DRC9: variants seen among roughly 807,000 people sequenced by gnomAD.
DRC9 encodes the protein dynein regulatory complex protein 9.
chr3:197,946,327 C>T, the DRC9 span, among the ~76,000 whole-genome samples: 12 of 147,046 alleles, frequency 8.2e-5, no homozygotes, highest in Non-Finnish European at 1.2e-4. Context: ...CCCAGCTACT[C>T]GGGAGGCTGA....
At chr3:197,907,781 C>A in the DRC9 span, among the ~76,000 whole-genome samples, 1 of 151,742 alleles carries the variant, frequency 6.6e-6, no homozygotes, top group Non-Finnish European at 1.5e-5. Context: ...GAAGAGCAAC[C>A]CTTTCCAAGG....
the DRC9 span, among the ~76,000 whole-genome samples, chr3:197,938,152 C>T: frequency 6.6e-6 from 1 of 151,702 alleles, no homozygotes; most frequent in East Asian, 2.0e-4. Flanking sequence ...CCGTTGTCTA[C>T]TAAAAAATAC....
At chr3:197,899,068 T>A in the DRC9 span, among the ~76,000 whole-genome samples, 1 of 152,326 alleles carries the variant, frequency 6.6e-6, no homozygotes, top group African/African-American at 2.4e-5. Context: ...AAACAGATTA[T>A]TTTCTAGGGA....
chr3:197,958,841 A>G, the DRC9 span: 2 of 152,242 alleles, frequency 1.3e-5, no homozygotes, highest in Non-Finnish European at 2.9e-5. Flanking sequence ...CACCGTTGCC[A>G]AAGGAGGAGT....
the DRC9 span, chr3:197,951,042 A>G: frequency 5.6e-6 from 9 of 1,604,748 alleles, no homozygotes; most frequent in Admixed American, 1.3e-4. Flanking sequence ...TGCGAGCTTA[A>G]AATTGGCAAG....
the DRC9 span, chr3:197,950,795 G>A: frequency 7.8e-3 from 5,493 of 700,918 alleles, 250 homozygotes; most frequent in African/African-American, 0.088. Context: ...GTTTCATATG[G>A]ATGTTCTGGC....
chr3:197,903,087 T>C, the DRC9 span, among the ~76,000 whole-genome samples: 1 of 152,168 alleles, frequency 6.6e-6, no homozygotes, highest in African/African-American at 2.4e-5. Flanking sequence ...GAAAGGATAG[T>C]CCTTTCAATG....
the DRC9 span, among the ~76,000 whole-genome samples, chr3:197,907,482 T>G: frequency 2.6e-5 from 4 of 152,196 alleles, no homozygotes; most frequent in Non-Finnish European, 5.9e-5. Context: ...ATTAAACAAA[T>G]GGAGTGTGAT....
chr3:197,897,372 T>C, the DRC9 span, among the ~76,000 whole-genome samples: 1 of 152,164 alleles, frequency 6.6e-6, no homozygotes, highest in East Asian at 1.9e-4. Context: ...AAAAGACAAA[T>C]TCTAGATATT....
the DRC9 span, chr3:197,955,721 TA>T: frequency 6.4e-7 from 1 of 1,567,434 alleles, no homozygotes; most frequent in Non-Finnish European, 8.8e-7. Flanking sequence ...AACATTCACC[TA>T]ATGTTTTGTG....
the DRC9 span, among the ~76,000 whole-genome samples, chr3:197,923,528 G>A: frequency 2.6e-5 from 4 of 152,154 alleles, no homozygotes; most frequent in Non-Finnish European, 4.4e-5. Flanking sequence ...TCAGGAGTTC[G>A]AGATCAGCCT....
the DRC9 span, chr3:197,932,379 A>C: frequency 1.2e-5 from 15 of 1,219,526 alleles, no homozygotes; most frequent in Non-Finnish European, 2.3e-6. Context: ...TCACCCCTGT[A>C]ATCCCAGCAC....
At chr3:197,940,964 A>T in the DRC9 span, among the ~76,000 whole-genome samples, 1 of 151,998 alleles carries the variant, frequency 6.6e-6, no homozygotes, top group African/African-American at 2.4e-5. Flanking sequence ...CAAAAGTTTC[A>T]TTCATTTACT....
At chr3:197,940,573 T>C in the DRC9 span, among the ~76,000 whole-genome samples, 37,807 of 151,960 alleles carry the variant, frequency 0.25, 5,889 homozygotes, top group African/African-American at 0.45. Context: ...AAAATGCTAA[T>C]CTTTCCTCTC....
the DRC9 span, among the ~76,000 whole-genome samples, chr3:197,904,111 T>TA: frequency 0.07 from 1,584 of 22,778 alleles, 43 homozygotes; most frequent in African/African-American, 0.21. Context: ...TATATATATA[T>TA]TTTTTTTTTT....
At chr3:197,951,381 T>G in the DRC9 span, 1 of 1,519,158 alleles carries the variant, frequency 6.6e-7, no homozygotes, top group Non-Finnish European at 9.1e-7. Context: ...TATAACGGAG[T>G]CTTGCTCTGT....
At chr3:197,960,086 G>T in the DRC9 span, 1 of 709,306 alleles carries the variant, frequency 1.4e-6, no homozygotes, top group Non-Finnish European at 2.3e-6. Context: ...CGTGATCGCC[G>T]CCCTCATCTT....
the DRC9 span, chr3:197,945,810 G>C: frequency 8.8e-6 from 5 of 566,002 alleles, no homozygotes; most frequent in Admixed American, 1.4e-4. Context: ...TCGCCTCTTT[G>C]TGCGGAGTGG....
the DRC9 span, among the ~76,000 whole-genome samples, chr3:197,941,543 T>C: frequency 0.014 from 1,223 of 86,202 alleles, 61 homozygotes; most frequent in African/African-American, 0.1. Context: ...CTTTCTTTCT[T>C]TCCCTCCCTC....
Sources: allele counts gnomAD v4.1 joint callset (sites outside exome capture counted in the v4.1 genomes callset), GRCh38; gene constraint gnomAD v4.1.1; transcripts MANE v1.5; gene names NCBI Gene and HGNC (gene_info 2026-07-23, HGNC 2026-07-21).